The following OXSR1 variants were observed in gnomAD, a reference collection of about 807,000 sequenced individuals.
OXSR1 encodes oxidative stress responsive kinase 1.
Under a neutral mutation model 79.8 loss-of-function variants are expected in OXSR1, and 24 were observed. The ratio of observed to expected loss-of-function variants is 0.30; its 90% confidence interval spans 0.22 to 0.42. OXSR1 has a LOEUF of 0.42. Among genes scored for constraint, OXSR1 ranks in the 10% least tolerant of loss-of-function variants. OXSR1 has a pLI of 1.00. For synonymous variants in OXSR1, 226 were observed against 209.2 expected (o/e 1.08, Z -0.69); for missense variants, 430 against 618.4 (o/e 0.70, Z 3.23).
chr3:38,212,141 A>G (rs948591323), intron 4 of OXSR1, among the ~76,000 whole-genome samples: 5 of 152,086 alleles, frequency 3.3e-5, no homozygotes, highest in African/African-American at 7.2e-5. Flanking sequence ...TAATTCTAAT[A>G]TGCAGCCAAG....
intron 8 of OXSR1, among the ~76,000 whole-genome samples, chr3:38,225,886 T>TGAGA (rs1303046153): frequency 6.6e-6 from 1 of 152,124 alleles, no homozygotes; most frequent in African/African-American, 2.4e-5. Flanking sequence ...GAGTTTGAAC[T>TGAGA]GAGATTCTTC....
rs534064673 is a variant in OXSR1, at chr3:38,215,423, C to A, written c.435-673C>A. Among the ~76,000 whole-genome samples the A allele has an allele frequency of 1.4e-4, 21 of 151,864 alleles. No homozygotes were observed. In the South Asian group the frequency reaches 4.4e-3, roughly 32 times the overall value. ...AGGATTTGGGGATTTTAAATTTTGC[C>A]AAAAACTTGTTTTTGCTAAAAAAAA... On this transcript the variant is annotated intron_variant, in intron 4 of 17. Coordinates refer to ENST00000311806, the MANE Select transcript of OXSR1 (RefSeq NM_005109.3).
intron 8 of OXSR1, among the ~76,000 whole-genome samples, chr3:38,228,443 T>C (rs1702736395): frequency 6.6e-6 from 1 of 152,222 alleles, no homozygotes; most frequent in African/African-American, 2.4e-5. Flanking sequence ...TTTATAATAA[T>C]CATCTGAGGT....
At chr3:38,252,202 A>C (rs1467525479) in intron 16 of OXSR1, 126 bp from the exon 17 acceptor site, 1 of 717,028 alleles carries the variant, frequency 1.4e-6, no homozygotes, top group Non-Finnish European at 2.5e-6. Flanking sequence ...TGATTATTTG[A>C]TCTGTCTGCT....
intron 5 of OXSR1, among the ~76,000 whole-genome samples, chr3:38,218,346 G>A (rs892750989): frequency 1.3e-5 from 2 of 151,714 alleles, no homozygotes; most frequent in African/African-American, 4.8e-5. Context: ...TTTTCAGGTG[G>A]TAGCCATTCT....
chr3:38,252,435 A>T, intron 17 of OXSR1, 43 bp downstream of exon 17: 3 of 1,292,314 alleles, frequency 2.3e-6, no homozygotes, highest in Non-Finnish European at 3.4e-6. Flanking sequence ...TGCCTTTTAT[A>T]CACTGGCAGC....
At chr3:38,166,755 A>C (rs1701469641) in intron 1 of OXSR1, among the ~76,000 whole-genome samples, 1 of 142,440 alleles carries the variant, frequency 7.0e-6, no homozygotes, top group Non-Finnish European at 1.5e-5. Context: ...GCGCCACTGC[A>C]CTCCAGCCTG....
intron 4 of OXSR1, among the ~76,000 whole-genome samples, chr3:38,206,630 T>C (rs1702268608): frequency 1.3e-5 from 2 of 152,170 alleles, no homozygotes; most frequent in Non-Finnish European, 2.9e-5. Context: ...TCATCGGTGT[T>C]CTGAAGTAAA....
chr3:38,181,036 T>A (rs1466043494), intron 1 of OXSR1, among the ~76,000 whole-genome samples: 2 of 152,168 alleles, frequency 1.3e-5, no homozygotes, highest in Non-Finnish European at 2.9e-5. Flanking sequence ...AAGATGTACA[T>A]TTTTGGGAGG....
At chr3:38,246,373 C>T in intron 13 of OXSR1, 152 bp downstream of exon 13, 1 of 693,382 alleles carries the variant, frequency 1.4e-6, no homozygotes, top group Admixed American at 3.0e-5. Context: ...TAAGCATGTA[C>T]AGGTAAGAGA....
rs1258141255 is a variant in OXSR1, at chr3:38,238,614, C to T, written c.1074+1653C>T. Among the ~76,000 whole-genome samples the T allele has an allele frequency of 2.0e-5, 3 of 152,016 alleles. No homozygotes were observed. In the East Asian group the frequency reaches 5.8e-4, roughly 29 times the overall value. On this transcript the variant is annotated intron_variant, in intron 11 of 17. Coordinates refer to ENST00000311806, the MANE Select transcript of OXSR1 (RefSeq NM_005109.3). ...AGGTTGACAGGCTTTTTTCTTTCAGCATTTTAAAGATGTTTCTTCACCATC... is the reference window on the plus strand; with the variant it reads ...AGGTTGACAGGCTTTTTTCTTTCAGTATTTTAAAGATGTTTCTTCACCATC...
In OXSR1 at chr3:38,165,952, A is replaced by G. The variant is rs1351802584; in HGVS notation, c.70+6A>G. The G allele has an allele frequency of 1.9e-6, 3 of 1,608,650 alleles. No individual in the cohort carries two copies. The highest frequency in any genetic ancestry group is 1.7e-5 in the Admixed American group (1 of 59,828). On this transcript the variant is annotated splice_donor_region_variant and intron_variant, in intron 1 of 17. Transcript: ENST00000311806. ...CGAGCTGCAGGAGGTGATCGGTGAG[A>G]GCAGGCGCTGCGGAGGGGGGAGGCG...
rs1164170245 is a variant in OXSR1, at chr3:38,188,413, CAG to C, written c.184-2315_184-2314del. Among the ~76,000 whole-genome samples the C allele has an allele frequency of 1.2e-4, 18 of 152,248 alleles. No homozygotes were observed. The South Asian group carries it at 2.7e-3, about 23-fold the overall frequency. ...TTACAGAAGAATTGCAAAAGTAGTA[CAG>C]AGTTTCCTTATGCTATCCACCCAAC... On this transcript the variant is annotated intron_variant, in intron 2 of 17. Transcript: ENST00000311806.
intron 3 of OXSR1, among the ~76,000 whole-genome samples, chr3:38,197,318 T>C (rs1353335656): frequency 6.6e-6 from 1 of 152,240 alleles, no homozygotes; most frequent in Non-Finnish European, 1.5e-5. Flanking sequence ...TAGGCAAGCC[T>C]CCGGGGAGGA....
chr3:38,208,267 G>A (rs1166104513), intron 4 of OXSR1, among the ~76,000 whole-genome samples: 1 of 152,070 alleles, frequency 6.6e-6, no homozygotes, highest in Non-Finnish European at 1.5e-5. Context: ...ATTAGGTACA[G>A]TTTTAGATGG....
chr3:38,180,151 C>G (rs891613428), intron 1 of OXSR1, among the ~76,000 whole-genome samples: 1 of 152,124 alleles, frequency 6.6e-6, no homozygotes, highest in Non-Finnish European at 1.5e-5. Flanking sequence ...TCCATGTTGG[C>G]CAGCCTGGTC....
In OXSR1 at chr3:38,235,327, A is replaced by G. The variant is rs1257581410; in HGVS notation, c.952-1512A>G. Reference sequence around the variant, plus strand: ...GAAAACAGAAGAAATGAAAAATTCAATATAAAGGTTGAGGAAATTTCCCAG... The same window carrying G: ...GAAAACAGAAGAAATGAAAAATTCAGTATAAAGGTTGAGGAAATTTCCCAG... On this transcript the variant is annotated intron_variant, in intron 10 of 17. Coordinates refer to ENST00000311806, the MANE Select transcript of OXSR1 (RefSeq NM_005109.3). Among the ~76,000 whole-genome samples the G allele has an allele frequency of 2.6e-5, 4 of 152,208 alleles. 1 individual carries two copies. The highest frequency in any genetic ancestry group is 2.6e-4 in the Admixed American group (4 of 15,286).
chr3:38,190,072 G>A (rs956794676), intron 2 of OXSR1, among the ~76,000 whole-genome samples: 9 of 152,180 alleles, frequency 5.9e-5, no homozygotes, highest in Non-Finnish European at 1.0e-4. Context: ...TAGGGGAAGT[G>A]TATTTGAGGC....
intron 2 of OXSR1, among the ~76,000 whole-genome samples, chr3:38,188,221 C>G (rs1701918999): frequency 6.6e-6 from 1 of 152,150 alleles, no homozygotes; most frequent in Non-Finnish European, 1.5e-5. Flanking sequence ...TTGACCCTAA[C>G]TCTTTACATT....
Sources: allele counts gnomAD v4.1 joint callset (sites outside exome capture counted in the v4.1 genomes callset), GRCh38; gene constraint gnomAD v4.1.1; transcripts MANE v1.5; gene names NCBI Gene and HGNC (gene_info 2026-07-23, HGNC 2026-07-21).